Variants in PDE3A observed in about 807,000 individuals in gnomAD.
PDE3A encodes the protein cGMP-inhibited 3',5'-cyclic phosphodiesterase 3A.
A neutral mutation model predicts 98.3 loss-of-function variants in PDE3A; 43 were observed. The ratio of observed to expected loss-of-function variants is 0.44; its 90% CI spans 0.34 to 0.56. PDE3A has a LOEUF of 0.56. Among genes scored for constraint, PDE3A ranks in the 20% least tolerant of loss-of-function variants. The pLI is 0.01. For synonymous variants in PDE3A, 663 were observed against 567.9 expected, an observed-to-expected ratio of 1.17 and a Z score of -2.38; for missense variants, 1,427 against 1,440.7, an observed-to-expected ratio of 0.99 and a Z score of 0.15.
At position 20,637,400 on chromosome 12, in the gene PDE3A, A is replaced by C. The variant is rs924109453; in HGVS notation, c.2139+163A>C. 2.0e-5 allele frequency among the ~76,000 whole-genome samples: 3 copies of C among 152,150 alleles called. No homozygotes were observed. In the East Asian group the frequency reaches 5.8e-4, roughly 29 times the overall value. Reference sequence around the variant, plus strand: ...ATTCCTTGCTGTGTGTTAACAAAAGAAACTGGAACTTCAAGTGAGTCGAGT... The same window carrying C: ...ATTCCTTGCTGTGTGTTAACAAAAGCAACTGGAACTTCAAGTGAGTCGAGT... On this transcript the variant is annotated intron_variant, in intron 9 of 15. Coordinates refer to ENST00000359062, the MANE Select transcript of PDE3A (RefSeq NM_000921.5).
intron 15 of PDE3A, among the ~76,000 whole-genome samples, chr12:20,659,134 T>A (rs1945103432): frequency 6.6e-6 from 1 of 152,160 alleles, no homozygotes; most frequent in Non-Finnish European, 1.5e-5. Flanking sequence ...TTTGAGTCCA[T>A]CTCATGAAGA....
At chr12:20,405,043 G>A (rs561711916) in intron 1 of PDE3A, among the ~76,000 whole-genome samples, 1 of 152,120 alleles carries the variant, frequency 6.6e-6, no homozygotes, top group Non-Finnish European at 1.5e-5. Context: ...TAGGATCAGT[G>A]TTTCTGTACA....
At chr12:20,375,500 G>A (rs918716518) in intron 1 of PDE3A, among the ~76,000 whole-genome samples, 3 of 151,884 alleles carry the variant, frequency 2.0e-5, no homozygotes, top group Non-Finnish European at 2.9e-5. Flanking sequence ...AGAGGAAGAT[G>A]TGTTGTATGA....
rs1203849721 is a variant in PDE3A, at chr12:20,657,517, A to G, written c.3184+3312A>G. 2.6e-5 allele frequency among the ~76,000 whole-genome samples: 4 copies of G among 152,208 alleles called. No individual in the cohort carries two copies. In the East Asian group the frequency reaches 7.7e-4, roughly 29 times the overall value. ...TTTCAATATGGTATCCTAGGAAAAG[A>G]AGGTTTTTATCCCACCTTATAATTA... On this transcript the variant is annotated intron_variant, in intron 15 of 15. Transcript: ENST00000359062.
At chr12:20,431,481 G>T (rs920971882) in intron 1 of PDE3A, among the ~76,000 whole-genome samples, 1 of 152,136 alleles carries the variant, frequency 6.6e-6, no homozygotes, top group South Asian at 2.1e-4. Flanking sequence ...TTCTGAGAAT[G>T]GTCCTTATGT....
chr12:20,460,423 A>T (rs1190671255), intron 1 of PDE3A, among the ~76,000 whole-genome samples: 1 of 152,206 alleles, frequency 6.6e-6, no homozygotes, highest in Non-Finnish European at 1.5e-5. Flanking sequence ...AAGGCAAAAT[A>T]TTGTTAGGAA....
At chr12:20,396,170 A>G (rs1302184290) in intron 1 of PDE3A, among the ~76,000 whole-genome samples, 2 of 152,168 alleles carry the variant, frequency 1.3e-5, no homozygotes, top group East Asian at 1.9e-4. Flanking sequence ...TAGCTCCCCA[A>G]TATAAATGGT....
rs141441422 is a variant in PDE3A, at chr12:20,490,752, C to A, written c.961-65908C>A. On this transcript the variant is annotated intron_variant, in intron 1 of 15. Coordinates refer to ENST00000359062, the MANE Select transcript of PDE3A (RefSeq NM_000921.5). ...ACATTTCTTTCTGTTGGTTCTCGTC[C>A]CATTAGAAGAGCTAGATCCTAATAG... 4.5e-3 allele frequency among the ~76,000 whole-genome samples: 683 copies of A among 152,128 alleles called. 16 individuals carry two copies. The South Asian group carries it at 0.053, about 12-fold the overall frequency.
chr12:20,482,954 G>A (rs1383063535), intron 1 of PDE3A, among the ~76,000 whole-genome samples: 2 of 152,084 alleles, frequency 1.3e-5, no homozygotes, highest in Admixed American at 1.3e-4. Flanking sequence ...GTAGGAATTA[G>A]GCAAATAAAA....
At chr12:20,608,042 A>G (rs1943756636) in intron 2 of PDE3A, among the ~76,000 whole-genome samples, 1 of 151,994 alleles carries the variant, frequency 6.6e-6, no homozygotes, top group African/African-American at 2.4e-5. Flanking sequence ...CATGATTTAA[A>G]AAACACTACC....
intron 1 of PDE3A, among the ~76,000 whole-genome samples, chr12:20,492,889 G>C (rs1438844424): frequency 6.6e-6 from 1 of 152,114 alleles, no homozygotes; most frequent in Non-Finnish European, 1.5e-5. Context: ...ATGAGTAAGG[G>C]TGGGGTGGTG....
At chr12:20,639,079 C>T (rs530570440) in intron 9 of PDE3A, among the ~76,000 whole-genome samples, 1 of 151,930 alleles carries the variant, frequency 6.6e-6, no homozygotes. Context: ...GGATTCATAC[C>T]TAGTAGAAAA....
At chr12:20,522,361 G>A (rs968149105) in intron 1 of PDE3A, among the ~76,000 whole-genome samples, 24 of 152,168 alleles carry the variant, frequency 1.6e-4, no homozygotes, top group African/African-American at 5.8e-4. Context: ...TAGACCTATT[G>A]AATCTGAAAC....
chr12:20,481,029 G>A (rs1367742040), intron 1 of PDE3A, among the ~76,000 whole-genome samples: 1 of 152,166 alleles, frequency 6.6e-6, no homozygotes, highest in African/African-American at 2.4e-5. Context: ...CTTTTCCTTA[G>A]TGTTGTAATT....
chr12:20,503,416 A>G (rs907244770), intron 1 of PDE3A, among the ~76,000 whole-genome samples: 7 of 152,104 alleles, frequency 4.6e-5, no homozygotes, highest in African/African-American at 1.7e-4. Flanking sequence ...ATTCAGCTAC[A>G]GAGGTTGAAA....
chr12:20,427,083 G>C (rs1944612815), intron 1 of PDE3A, among the ~76,000 whole-genome samples: 1 of 152,120 alleles, frequency 6.6e-6, no homozygotes, highest in Non-Finnish European at 1.5e-5. Flanking sequence ...AGGGACACAG[G>C]GTAATGTTAT....
chr12:20,551,658 C>T, intron 1 of PDE3A: 7 of 1,599,688 alleles, frequency 4.4e-6, no homozygotes, highest in Non-Finnish European at 6.0e-6. Context: ...TCCACATCTA[C>T]TGCCTGGACC....
At chr12:20,456,058 T>G (rs995382840) in intron 1 of PDE3A, among the ~76,000 whole-genome samples, 4 of 152,174 alleles carry the variant, frequency 2.6e-5, no homozygotes, top group Non-Finnish European at 5.9e-5. Context: ...AAAAATGAAC[T>G]GTCCATTTTA....
chr12:20,583,133 A>G lies in PDE3A; in HGVS notation c.1011+26423A>G, dbSNP rs1489406271. ...TTTTCCCTCAGAACTCAGATTCTGA[A>G]ATACTCCCCTCTACTTTGCCTCATT... On this transcript the variant is annotated intron_variant, in intron 2 of 15. Coordinates refer to ENST00000359062, the MANE Select transcript of PDE3A (RefSeq NM_000921.5). 2.0e-5 allele frequency among the ~76,000 whole-genome samples: 3 copies of G among 152,184 alleles called. No homozygotes were observed. The East Asian group carries it at 5.8e-4, about 29-fold the overall frequency.
Sources: allele counts gnomAD v4.1 joint callset (sites outside exome capture counted in the v4.1 genomes callset), GRCh38; gene constraint gnomAD v4.1.1; transcripts MANE v1.5; gene names NCBI Gene and HGNC (gene_info 2026-07-23, HGNC 2026-07-21).